COPS8: variants seen among roughly 807,000 people sequenced by gnomAD.
COPS8 encodes COP9 signalosome complex subunit 8.
COPS8 carries 11 observed loss-of-function variants against 31.5 expected under a neutral mutation model. That is an observed-to-expected ratio of 0.35 (90% CI 0.22 to 0.58). The LOEUF (loss-of-function observed/expected upper bound fraction) is 0.58, where lower values mean the gene tolerates loss of function less well. Ranked by LOEUF, COPS8 falls within the 20% of genes least tolerant of loss-of-function variation. The probability of loss-of-function intolerance (pLI) is 0.83; values close to 1 mark genes in which losing one functional copy is unlikely to be tolerated. For synonymous variants in COPS8, 81 were observed against 89.3 expected, an observed-to-expected ratio of 0.91 and a Z score of 0.52; for missense variants, 215 against 255.1, an observed-to-expected ratio of 0.84 and a Z score of 1.07.
At chr2:237,096,940 T>C in intron 7 of COPS8, 71 bp downstream of exon 7, 1 of 1,029,282 alleles carries the variant, frequency 9.7e-7, no homozygotes, top group Non-Finnish European at 1.5e-6. Context: ...TATATATGTA[T>C]ATGTGTGTGT....
intron 1 of COPS8, 52 bp downstream of exon 1, chr2:237,086,094 G>C (rs1451588092): frequency 6.6e-7 from 1 of 1,523,748 alleles, no homozygotes; most frequent in Non-Finnish European, 9.0e-7. Flanking sequence ...TTAGGCCCTG[G>C]GGCGGCACCA....
intron 7 of COPS8, 77 bp downstream of exon 7, chr2:237,096,946 T>G: frequency 2.2e-6 from 2 of 911,810 alleles, no homozygotes; most frequent in South Asian, 1.4e-5. Context: ...TGTATATGTG[T>G]GTGTGAGTGT....
chr2:237,097,586 G>A, intron 7 of COPS8, 77 bp from the exon 8 acceptor site: 1 of 951,636 alleles, frequency 1.1e-6, no homozygotes, highest in South Asian at 1.4e-5. Flanking sequence ...GAAGGCATTA[G>A]GGGAGGTAGG....
intron 3 of COPS8, 114 bp downstream of exon 3, chr2:237,088,767 G>A: frequency 1.7e-6 from 1 of 594,682 alleles, no homozygotes; most frequent in South Asian, 2.7e-5. Flanking sequence ...TCATCAGATT[G>A]GTATTAAGGA....
chr2:237,087,148 C>T lies in COPS8; in HGVS notation c.100C>T (p.Pro34Ser). ...ELEAPGGIAT[P>S]PVYGQLLALY... ...CTAGGCCCCTGGAGGAATTGCTACA[C>T]CCCCAGTGTATGGTCAGCTTCTAGC... The change falls in exon 2 of 8, where the codon CCC becomes TCC. Residue 34 changes from proline (P) to serine (S), a missense_variant. Physicochemically the swap from Pro to Ser is moderately conservative, Grantham distance 74. Coordinates refer to ENST00000354371, the MANE Select transcript of COPS8 (RefSeq NM_006710.5). 3 of 1,607,518 alleles carry T rather than the reference C, an allele frequency of 1.9e-6. No homozygotes were observed. The highest frequency in any genetic ancestry group is 2.5e-6 in the Non-Finnish European group (3 of 1,177,348).
intron 2 of COPS8, 116 bp downstream of exon 2, chr2:237,087,313 C>T (rs1696636077): frequency 3.1e-6 from 2 of 649,186 alleles, no homozygotes; most frequent in Non-Finnish European, 5.4e-6. Context: ...TTTTTTATTA[C>T]AGTAATTGTT....
intron 5 of COPS8, 78 bp downstream of exon 5, chr2:237,094,275 A>G: frequency 3.0e-6 from 4 of 1,311,530 alleles, no homozygotes; most frequent in Non-Finnish European, 3.2e-6. Context: ...TCTCCTCTGA[A>G]ACACTTGGAA....
At chr2:237,094,248 G>A in intron 5 of COPS8, 51 bp downstream of exon 5, 1 of 1,532,602 alleles carries the variant, frequency 6.5e-7, no homozygotes, top group South Asian at 1.1e-5. Flanking sequence ...ATAGAAGTGT[G>A]AATTGTAGGT....
Position 237,091,939 on chromosome 2 carries a change from G to C in COPS8, c.331+1945G>C, listed in dbSNP as rs190069234. 3.9e-3 allele frequency among the ~76,000 whole-genome samples: 588 copies of C among 152,300 alleles called. 7 individuals carry two copies. The highest frequency in any genetic ancestry group is 0.013 in the African/African-American group (561 of 41,564). On this transcript the variant is annotated intron_variant, in intron 4 of 7. Coordinates refer to ENST00000354371, the MANE Select transcript of COPS8 (RefSeq NM_006710.5). ...AATTCGCCAAAGCAAGAGAGCTCAGGTGCAACAGGCATTGGCGGCCAACCT... is the reference window on the plus strand; with the variant it reads ...AATTCGCCAAAGCAAGAGAGCTCAGCTGCAACAGGCATTGGCGGCCAACCT...
chr2:237,095,621 A>G (rs1284530774), intron 5 of COPS8, among the ~76,000 whole-genome samples: 1 of 152,200 alleles, frequency 6.6e-6, no homozygotes, highest in Non-Finnish European at 1.5e-5. Flanking sequence ...ATAGAGTAAA[A>G]TGAGGCTTTG....
At chr2:237,093,984 G>A in intron 4 of COPS8, 106 bp from the exon 5 acceptor site, 1 of 1,494,894 alleles carries the variant, frequency 6.7e-7, no homozygotes, top group Non-Finnish European at 8.9e-7. Context: ...GGTTCATCTG[G>A]CCTTGCTTAT....
chr2:237,092,460 CA>C (rs775124446), intron 4 of COPS8, among the ~76,000 whole-genome samples: 16 of 151,956 alleles, frequency 1.1e-4, no homozygotes, highest in Admixed American at 3.3e-4. Flanking sequence ...AAAATATGGC[CA>C]GAATATTTGA....
chr2:237,097,494 C>G (rs1040983387), intron 7 of COPS8, among the ~76,000 whole-genome samples, 169 bp from the exon 8 acceptor site: 2 of 152,076 alleles, frequency 1.3e-5, no homozygotes, highest in Non-Finnish European at 2.9e-5. Context: ...GCTTGCTTTT[C>G]AAAAATGTCC....
chr2:237,097,669 C>G lies in COPS8; in HGVS notation c.557C>G (p.Ala186Gly), dbSNP rs761257535. Residue 186 changes from alanine (A) to glycine (G), a missense_variant, in exon 8 of 8, where the codon GCT (alanine) becomes GGT (glycine). Ala to Gly is a moderately conservative substitution (Grantham distance 60). Transcript: ENST00000354371. ...FNKFIPLSEPAPVPPIPNEQQ... is the reference protein window; with the variant it reads ...FNKFIPLSEPGPVPPIPNEQQ... Reference sequence around the variant, plus strand: ...TTGTTTCTTTAACATACAGAGCCTGCTCCAGTTCCCCCAATACCCAATGAA... The same window carrying G: ...TTGTTTCTTTAACATACAGAGCCTGGTCCAGTTCCCCCAATACCCAATGAA... 2 of 1,612,592 alleles carry G rather than the reference C, an allele frequency of 1.2e-6. No homozygotes were observed. Among genetic ancestry groups the G allele is most frequent in the Admixed American group, 3.3e-5 (2 of 59,956 alleles).
At chr2:237,090,964 T>A (rs1006431122) in intron 4 of COPS8, among the ~76,000 whole-genome samples, 1 of 152,212 alleles carries the variant, frequency 6.6e-6, no homozygotes, top group Non-Finnish European at 1.5e-5. Flanking sequence ...AACCTCTTCA[T>A]ATAAGCCCTG....
rs760362710 is a variant in COPS8 at position 237,095,874 on chromosome 2, C to T, written c.492C>T (p.Pro164=). The T allele has an allele frequency of 5.0e-6, 8 of 1,612,354 alleles. No homozygotes were observed. The South Asian group carries it at 8.8e-5, about 18-fold the overall frequency. The part of the protein sequence containing the change: ...QADSTTRMVL[P]RKPVAGALDV... ...ATTCCACCACAAGAATGGTTCTGCC[C>T]AGAAAGCCAGGTAGGTGGAGCTTTC... Residue 164 remains proline, a synonymous_variant, in exon 6 of 8, where the codon CCC becomes CCT. Transcript: ENST00000354371.
chr2:237,097,757 T>C lies in COPS8; in HGVS notation c.*15T>C, dbSNP rs1696831254. The C allele has an allele frequency of 6.3e-7, 1 of 1,579,054 alleles. No individual in the cohort carries two copies. The highest frequency in any genetic ancestry group is 1.3e-5 in the African/African-American group (1 of 74,242). ...TTGAAAACTGATTTATCACTCTGAG[T>C]TCAAGATTCATCTTCAGAATCCTGT... is the stretch of plus-strand genomic sequence containing the variant. On this transcript the variant is annotated 3_prime_UTR_variant, in exon 8 of 8. Transcript: ENST00000354371.
chr2:237,095,132 A>G (rs1696776168), intron 5 of COPS8, among the ~76,000 whole-genome samples: 1 of 152,148 alleles, frequency 6.6e-6, no homozygotes, highest in Admixed American at 6.5e-5. Context: ...GTTCTAAGTT[A>G]TTACTTTTAT....
chr2:237,092,251 T>C (rs1380233649), intron 4 of COPS8, among the ~76,000 whole-genome samples: 1 of 152,218 alleles, frequency 6.6e-6, no homozygotes, highest in African/African-American at 2.4e-5. Context: ...ACAGAGTGAC[T>C]AGTCGGAATG....
Sources: allele counts gnomAD v4.1 joint callset (sites outside exome capture counted in the v4.1 genomes callset), GRCh38; gene constraint gnomAD v4.1.1; transcripts MANE v1.5; gene names NCBI Gene and HGNC (gene_info 2026-07-23, HGNC 2026-07-21).